The following PCSK5 variants were observed in gnomAD, a reference collection of about 807,000 sequenced individuals.
PCSK5 encodes the protein prohormone convertase 5.
In PCSK5, 129 loss-of-function variants were observed where a neutral mutation model predicts 233.2. The observed-to-expected ratio is 0.55, with a 90% CI of 0.48 to 0.64. The LOEUF (loss-of-function observed/expected upper bound fraction) is 0.64, where lower values mean the gene tolerates loss of function less well. Among genes scored for constraint, PCSK5 ranks in the 30% least tolerant of loss-of-function variants. The pLI, the probability that PCSK5 is intolerant of heterozygous loss-of-function variation, is 0.00. For missense variants in PCSK5, 2,076 were observed against 2,430.1 expected (o/e 0.85, Z 3.06); for synonymous variants, 825 against 879.2 (o/e 0.94, Z 1.09).
At position 76,360,439 on chromosome 9, in the gene PCSK5, T is replaced by C. The variant is rs112049504; in HGVS notation, c.*1517T>C. 2.0e-5 allele frequency: 3 copies of C among 152,352 alleles called. No homozygotes were observed. The highest frequency in any genetic ancestry group is 7.2e-5 in the African/African-American group (3 of 41,578). The allele number at this position is 152,352 out of a possible 1,614,324, so 9.4% of individuals were successfully genotyped here. Reference sequence around the variant, plus strand: ...ACCCTAAAGCGTGTGTTCTTATAACTATGCTACTGAAATAAGGTGGGAAAA... The same window carrying C: ...ACCCTAAAGCGTGTGTTCTTATAACCATGCTACTGAAATAAGGTGGGAAAA... On this transcript the variant is annotated 3_prime_UTR_variant, in exon 38 of 38. Coordinates refer to ENST00000674117, the MANE Select transcript of PCSK5 (RefSeq NM_001372043.1).
intron 12 of PCSK5, among the ~76,000 whole-genome samples, chr9:76,167,113 A>G (rs1344589120): frequency 6.6e-6 from 1 of 152,178 alleles, no homozygotes; most frequent in Non-Finnish European, 1.5e-5. Context: ...GAAAATATTC[A>G]TGTAAAAAGC....
chr9:76,358,116 C>T (rs377236539), intron 37 of PCSK5, among the ~76,000 whole-genome samples: 2 of 152,272 alleles, frequency 1.3e-5, no homozygotes, highest in South Asian at 4.1e-4. Flanking sequence ...GCAAACTGAC[C>T]TTCTTTCTAG....
Position 76,296,735 on chromosome 9 carries a change from C to T in PCSK5, c.3393C>T (p.Cys1131=). 6.2e-7 allele frequency: 1 copy of T among 1,612,252 alleles called. No individual in the cohort carries two copies. Reference sequence around the variant, plus strand: ...AAGAAATGGGAGAATGTGAGTCCTGCCACCGAGCATGCGAAACCTGCACAG... The same window carrying T: ...AAGAAATGGGAGAATGTGAGTCCTGTCACCGAGCATGCGAAACCTGCACAG... ...GDQEMGECES[C]HRACETCTGP... is the part of the protein sequence containing the mutation. The change falls in exon 27 of 38, where the codon TGC becomes TGT. Residue 1131 remains cysteine (C), a synonymous_variant. Transcript: ENST00000674117.
At chr9:76,324,956 G>A (rs1320124393) in intron 32 of PCSK5, among the ~76,000 whole-genome samples, 1 of 152,086 alleles carries the variant, frequency 6.6e-6, no homozygotes, top group Non-Finnish European at 1.5e-5. Flanking sequence ...CCACACCCTA[G>A]GACATACTGA....
intron 22 of PCSK5, among the ~76,000 whole-genome samples, chr9:76,234,366 T>C (rs1412859718): frequency 6.6e-6 from 1 of 152,258 alleles, no homozygotes; most frequent in Admixed American, 6.5e-5. Context: ...CTGCTCTCCA[T>C]CTCTCCCCAG....
chr9:76,187,905 A>C (rs989075387), intron 17 of PCSK5, among the ~76,000 whole-genome samples: 1 of 152,220 alleles, frequency 6.6e-6, no homozygotes, highest in East Asian at 1.9e-4. Context: ...AAGAAAAGTC[A>C]AGATGATTGG....
At chr9:76,021,185 A>AGG (rs1327674830) in intron 3 of PCSK5, among the ~76,000 whole-genome samples, 5 of 152,162 alleles carry the variant, frequency 3.3e-5, no homozygotes, top group Non-Finnish European at 7.4e-5. Context: ...TTGAAATCCT[A>AGG]GGGCAGACTT....
intron 20 of PCSK5, among the ~76,000 whole-genome samples, chr9:76,192,923 AAAGAAGAC>A (rs1457000647): frequency 1.2e-4 from 19 of 152,244 alleles, no homozygotes; most frequent in African/African-American, 4.3e-4. Flanking sequence ...TAGGTATCTC[AAAGAAGAC>A]AAATTTCTTG....
chr9:75,896,690 G>C (rs900472579), intron 1 of PCSK5, among the ~76,000 whole-genome samples: 7 of 151,996 alleles, frequency 4.6e-5, no homozygotes, highest in Non-Finnish European at 1.0e-4. Context: ...AGACATTAAT[G>C]CATGCTAGAA....
chr9:76,010,589 A>G (rs1275844306), intron 3 of PCSK5, among the ~76,000 whole-genome samples: 3 of 152,170 alleles, frequency 2.0e-5, no homozygotes, highest in Non-Finnish European at 4.4e-5. Flanking sequence ...TGTAACTCCA[A>G]TTTAACATCT....
At chr9:75,965,505 G>C (rs1337163140) in intron 2 of PCSK5, among the ~76,000 whole-genome samples, 1 of 152,136 alleles carries the variant, frequency 6.6e-6, no homozygotes, top group Non-Finnish European at 1.5e-5. Flanking sequence ...GCTCATGCAG[G>C]CACGTGGGAA....
chr9:76,223,290 C>T (rs898318178), intron 20 of PCSK5, among the ~76,000 whole-genome samples: 5 of 152,198 alleles, frequency 3.3e-5, no homozygotes, highest in Non-Finnish European at 5.9e-5. Context: ...TAAAAGAAAG[C>T]GTAGCATTTG....
At chr9:75,899,244 A>AATAG (rs1333415001) in intron 1 of PCSK5, among the ~76,000 whole-genome samples, 1 of 152,204 alleles carries the variant, frequency 6.6e-6, no homozygotes, top group Admixed American at 6.5e-5. Context: ...AGAACAAAAG[A>AATAG]ATAGGCTCAG....
At chr9:75,943,252 C>T (rs112424082) in intron 2 of PCSK5, among the ~76,000 whole-genome samples, 3,405 of 152,212 alleles carry the variant, frequency 0.022, 57 homozygotes, top group Non-Finnish European at 0.031. Flanking sequence ...GTAATGATAG[C>T]ATTCTAAATT....
At chr9:76,158,257 A>G (rs1822693258) in intron 11 of PCSK5, among the ~76,000 whole-genome samples, 1 of 152,208 alleles carries the variant, frequency 6.6e-6, no homozygotes, top group Non-Finnish European at 1.5e-5. Context: ...CTGTGGCTCG[A>G]TGAAGGTCTC....
At chr9:76,321,377 C>T in intron 30 of PCSK5, 45 bp from the exon 31 acceptor site, 1 of 1,043,444 alleles carries the variant, frequency 9.6e-7, no homozygotes, top group East Asian at 2.4e-5. Context: ...AGTCACTTCT[C>T]CAGCAGGTCA....
At chr9:76,008,682 G>A (rs368648846) in intron 3 of PCSK5, among the ~76,000 whole-genome samples, 1 of 152,056 alleles carries the variant, frequency 6.6e-6, no homozygotes. Flanking sequence ...GGATGGTCTC[G>A]ATCTCCTGAC....
intron 33 of PCSK5, 28 bp downstream of exon 33, chr9:76,328,267 G>A (rs764816604): frequency 2.0e-6 from 3 of 1,515,966 alleles, no homozygotes; most frequent in Non-Finnish European, 2.7e-6. Context: ...GGACAGCTTT[G>A]TGTTTCCATC....
chr9:75,987,348 T>C (rs1826560200), intron 3 of PCSK5, among the ~76,000 whole-genome samples: 1 of 152,322 alleles, frequency 6.6e-6, no homozygotes, highest in African/African-American at 2.4e-5. Flanking sequence ...CTGCTGCTCA[T>C]GGCATCCATC....
Sources: allele counts gnomAD v4.1 joint callset (sites outside exome capture counted in the v4.1 genomes callset), GRCh38; gene constraint gnomAD v4.1.1; transcripts MANE v1.5; gene names NCBI Gene and HGNC (gene_info 2026-07-23, HGNC 2026-07-21).